FN1: variants seen among roughly 807,000 people sequenced by gnomAD.
FN1 encodes the protein fibronectin.
Under a neutral mutation model 297.3 loss-of-function variants are expected in FN1, and 106 were observed. The observed-to-expected ratio is 0.36, with a 90% CI of 0.30 to 0.42. FN1 has a LOEUF of 0.42. Ranked by LOEUF, FN1 falls within the 10% of genes least tolerant of loss-of-function variation. The probability of loss-of-function intolerance (pLI) is 1.00; values close to 1 mark genes in which losing one functional copy is unlikely to be tolerated. For missense variants in FN1, 2,690 were observed against 3,124.9 expected (o/e 0.86, Z 3.32); for synonymous variants, 1,149 against 1,152.6 (o/e 1.00, Z 0.06).
chr2:215,384,655 A>G (rs553907409), intron 29 of FN1: 109 of 525,434 alleles, frequency 2.1e-4, no homozygotes, highest in Non-Finnish European at 3.1e-4. Context: ...TTCCCCCTCT[A>G]GTTGTAGTAT....
At chr2:215,411,431 A>G (rs2062609648) in intron 13 of FN1, among the ~76,000 whole-genome samples, 1 of 152,244 alleles carries the variant, frequency 6.6e-6, no homozygotes, top group African/African-American at 2.4e-5. Context: ...TACTCTTCAC[A>G]GTGAAATTTT....
intron 35 of FN1, among the ~76,000 whole-genome samples, chr2:215,377,924 T>C (rs1341777347): frequency 6.6e-6 from 1 of 152,168 alleles, no homozygotes; most frequent in Admixed American, 6.6e-5. Flanking sequence ...ATTTTCAAAT[T>C]AGGACTCATT....
rs377442651 is a variant in FN1 at position 215,415,002 on chromosome 2, C to G, written c.1820-44G>C. ...CATTTAATTATCTTGAATATTCACT[C>G]ACTTCAACTTAAAACTGTGTACATG... On this transcript the variant is annotated intron_variant, in intron 12 of 45. Coordinates refer to ENST00000354785, the MANE Select transcript of FN1 (RefSeq NM_212482.4). 40 of 1,498,670 alleles carry G rather than the reference C, an allele frequency of 2.7e-5. No homozygotes were observed. In the African/African-American group the frequency reaches 3.7e-4, roughly 14 times the overall value. The allele number at this position is 1,498,670 out of a possible 1,614,324, so 92.8% of individuals were successfully genotyped here. A position where few individuals can be genotyped will look rare whatever the true frequency, so the allele number is the denominator to read the frequency against.
intron 41 of FN1, 97 bp downstream of exon 41, chr2:215,370,196 TA>T: frequency 7.8e-7 from 1 of 1,278,174 alleles, no homozygotes; most frequent in Non-Finnish European, 1.1e-6. Context: ...ATCCCAAAGA[TA>T]AAAAGACAAT....
chr2:215,365,578 A>T lies in FN1; in HGVS notation c.7071T>A (p.Arg2357=), dbSNP rs770519404. 16 of 1,613,854 alleles carry T rather than the reference A, an allele frequency of 9.9e-6. No homozygotes were observed. Among genetic ancestry groups the T allele is most frequent in the Non-Finnish European group, 1.3e-5 (15 of 1,179,934 alleles). ...VNYKIGEKWD[R]QGENGQMMSC... is the part of the protein sequence containing the mutation. ...TCATCATCTGGCCATTTTCTCCCTGACGGTCCCACTTCTCTCCAATCTTGT... is the reference window on the plus strand; with the variant it reads ...TCATCATCTGGCCATTTTCTCCCTGTCGGTCCCACTTCTCTCCAATCTTGT... The change falls in exon 43 of 46, where the codon CGT becomes CGA. Residue 2357 remains arginine (R), a synonymous_variant. Coordinates refer to ENST00000354785, the MANE Select transcript of FN1 (RefSeq NM_212482.4).
intron 42 of FN1, among the ~76,000 whole-genome samples, chr2:215,365,966 ATTTTTTTTTT>A (rs559516647): frequency 3.3e-5 from 3 of 90,354 alleles, no homozygotes; most frequent in Admixed American, 1.4e-4. Flanking sequence ...CCACAGTGCT[ATTTTTTTTTT>A]TTTTTTTTTT....
chr2:215,388,227 C>G lies in FN1; in HGVS notation c.4327G>C (p.Gly1443Arg). 1 of 1,613,468 alleles carries G rather than the reference C, an allele frequency of 6.2e-7. No homozygotes were observed. The highest frequency in any genetic ancestry group is 1.1e-5 in the South Asian group (1 of 91,062). The change falls in exon 27 of 46, where the codon GGA becomes CGA. Residue 1443 changes from glycine to arginine, a missense_variant. Around this residue, in one of 3 missense-constraint regions of FN1, gnomAD observed 1,743 missense variants for 1,945.2 expected, o/e 0.90. Transcript: ENST00000354785. The stretch of plus-strand genomic sequence containing the variant: ...CACCACTCACCTGTTTTCTGTCTTC[C>G]TCTAAGAGGTGTGCTCTCATGTTGT... ...YEQHESTPLR[G>R]RQKTGLDSPT...
At chr2:215,423,180 T>TCACACACACACACACACACA (rs9288509) in intron 9 of FN1, among the ~76,000 whole-genome samples, 170 bp downstream of exon 9, 1 of 148,766 alleles carries the variant, frequency 6.7e-6, no homozygotes, top group African/African-American at 2.5e-5. Context: ...TGATGTAACA[T>TCACACACACACACACACACA]CACACACACA....
intron 44 of FN1, chr2:215,363,363 TGTAA>T (rs2053894615): frequency 6.7e-6 from 1 of 149,454 alleles, no homozygotes; most frequent in African/African-American, 2.4e-5. Context: ...TCACAGTCGT[TGTAA>T]GTGTTAATGG....
chr2:215,364,703 AAG>A, intron 44 of FN1, 174 bp downstream of exon 44: 1 of 638,556 alleles, frequency 1.6e-6, no homozygotes, highest in Non-Finnish European at 2.8e-6. Flanking sequence ...AATGGCATGT[AAG>A]GTAGACATAG....
At chr2:215,384,315 T>C in intron 29 of FN1, 131 bp from the exon 30 acceptor site, 2 of 868,294 alleles carry the variant, frequency 2.3e-6, no homozygotes, top group Non-Finnish European at 3.8e-6. Context: ...TAAAGAGCGC[T>C]ATCTTGAACA....
chr2:215,428,863 A>C (rs2065959148), intron 5 of FN1, among the ~76,000 whole-genome samples: 1 of 152,134 alleles, frequency 6.6e-6, no homozygotes, highest in Admixed American at 6.5e-5. Context: ...ATACCAAAAA[A>C]AATTAGCCGG....
At chr2:215,412,652 C>T (rs1405295816) in intron 13 of FN1, among the ~76,000 whole-genome samples, 1 of 151,970 alleles carries the variant, frequency 6.6e-6, no homozygotes, top group African/African-American at 2.4e-5. Context: ...CTCAATAATA[C>T]CACCCTTTCC....
chr2:215,423,324 G>T (rs1381039499), intron 9 of FN1, 26 bp downstream of exon 9: 2 of 1,612,530 alleles, frequency 1.2e-6, no homozygotes, highest in South Asian at 2.2e-5. Context: ...TGTCAAACAA[G>T]ACAACCCACA....
intron 41 of FN1, among the ~76,000 whole-genome samples, chr2:215,368,746 G>C (rs2055201137): frequency 6.6e-6 from 1 of 152,088 alleles, no homozygotes; most frequent in Non-Finnish European, 1.5e-5. Flanking sequence ...TTCCAAATAA[G>C]AAAATGCCCT....
intron 15 of FN1, among the ~76,000 whole-genome samples, chr2:215,408,629 A>G (rs2062122991): frequency 6.6e-6 from 1 of 152,182 alleles, no homozygotes. Flanking sequence ...GTGCAGTGGC[A>G]CAATTTCAGC....
intron 40 of FN1, 162 bp downstream of exon 40, chr2:215,371,747 A>G (rs2056200633): frequency 1.5e-6 from 1 of 663,706 alleles, no homozygotes; most frequent in Admixed American, 2.1e-5. Flanking sequence ...TCCTAACCTC[A>G]AATGATCCAC....
intron 6 of FN1, among the ~76,000 whole-genome samples, chr2:215,426,513 C>T (rs1267132466): frequency 6.6e-6 from 1 of 152,150 alleles, no homozygotes; most frequent in Non-Finnish European, 1.5e-5. Flanking sequence ...AGAACAGAAT[C>T]AGGGCTGAGG....
intron 20 of FN1, among the ~76,000 whole-genome samples, chr2:215,400,771 A>G (rs1358526451): frequency 7.6e-4 from 114 of 150,628 alleles, no homozygotes; most frequent in Non-Finnish European, 1.4e-3. Flanking sequence ...AAAAAAAAAA[A>G]AAAAGAAAGA....
Sources: gnomAD v4.1 joint callset for allele counts (sites outside exome capture counted in the v4.1 genomes callset) on GRCh38, gnomAD v4.1.1 for gene constraint, gnomAD v4.1.1 regional missense constraint, MANE v1.5 for transcripts, NCBI Gene and HGNC (gene_info 2026-07-23, HGNC 2026-07-21) for gene names.